PARD3: variants seen among roughly 807,000 people sequenced by gnomAD.
The protein encoded by PARD3 is partitioning defective 3 homolog.
Under a neutral mutation model 155.4 loss-of-function variants are expected in PARD3, and 75 were observed. The ratio of observed to expected loss-of-function variants is 0.48; its 90% CI spans 0.40 to 0.58. PARD3 has a LOEUF of 0.58. PARD3 is among the 20% of genes least tolerant of loss of function. The pLI is 0.00. For missense variants in PARD3, 1,642 were observed against 1,721.7 expected (o/e 0.95, Z 0.82); for synonymous variants, 576 against 610.5 (o/e 0.94, Z 0.83).
intron 22 of PARD3, among the ~76,000 whole-genome samples, chr10:34,215,266 A>T (rs1383173774): frequency 6.6e-6 from 1 of 152,158 alleles, no homozygotes; most frequent in Non-Finnish European, 1.5e-5. Flanking sequence ...CTGTGCCCAG[A>T]CTTGTCAAAT....
At chr10:34,744,012 C>T (rs1476666376) in intron 1 of PARD3, among the ~76,000 whole-genome samples, 2 of 152,174 alleles carry the variant, frequency 1.3e-5, no homozygotes, top group Non-Finnish European at 2.9e-5. Flanking sequence ...GATCTCCAGA[C>T]ACTCTGAGCC....
At chr10:34,634,873 A>G (rs563236217) in intron 2 of PARD3, among the ~76,000 whole-genome samples, 61 of 152,318 alleles carry the variant, frequency 4.0e-4, no homozygotes, top group African/African-American at 1.4e-3. Context: ...AAAAGCAAAC[A>G]GGGGGAATCT....
intron 5 of PARD3, among the ~76,000 whole-genome samples, chr10:34,407,482 G>A (rs1844611962): frequency 6.6e-6 from 1 of 152,210 alleles, no homozygotes; most frequent in South Asian, 2.1e-4. Context: ...ATGCCCCAGA[G>A]AAGCCAGTGT....
At chr10:34,573,471 G>A (rs139241193) in intron 2 of PARD3, among the ~76,000 whole-genome samples, 3,379 of 152,194 alleles carry the variant, frequency 0.022, 127 homozygotes, top group African/African-American at 0.078. Context: ...GGAGGCCAAG[G>A]TGGGTGGATT....
At chr10:34,782,732 T>G (rs964865056) in intron 1 of PARD3, among the ~76,000 whole-genome samples, 1 of 152,042 alleles carries the variant, frequency 6.6e-6, no homozygotes, top group Non-Finnish European at 1.5e-5. Context: ...TTTTTTTTTT[T>G]TCTTTTTTTT....
chr10:34,517,295 A>G, intron 2 of PARD3, 136 bp from the exon 3 acceptor site: 1 of 691,012 alleles, frequency 1.4e-6, no homozygotes, highest in South Asian at 2.7e-5. Context: ...TTTTACGAAG[A>G]AAAACCTCAA....
At position 34,389,297 on chromosome 10, in the gene PARD3, C is replaced by T. The variant is rs150943928; in HGVS notation, c.891-5043G>A. Reference sequence around the variant, plus strand: ...CTAGGGTACAGTAGCACAAAGCGAGCCATTGAAATGCTGCTTCTTTGTACA... The same window carrying T: ...CTAGGGTACAGTAGCACAAAGCGAGTCATTGAAATGCTGCTTCTTTGTACA... On this transcript the variant is annotated intron_variant, in intron 7 of 24. Coordinates refer to ENST00000374788, the MANE Select transcript of PARD3 (RefSeq NM_001184785.2). 9.4e-4 allele frequency among the ~76,000 whole-genome samples: 132 copies of T among 139,892 alleles called. 1 individual carries two copies. The highest frequency in any genetic ancestry group is 3.5e-3 in the African/African-American group (121 of 34,826). The allele number at this position is 139,892 out of a possible 152,430, so 91.8% of individuals were successfully genotyped here. A position where few individuals can be genotyped will look rare whatever the true frequency, so the allele number is the denominator to read the frequency against.
At chr10:34,114,597 A>G (rs1946563923) in intron 24 of PARD3, among the ~76,000 whole-genome samples, 1 of 152,158 alleles carries the variant, frequency 6.6e-6, no homozygotes, top group Admixed American at 6.5e-5. Flanking sequence ...TGCCGACCTC[A>G]GCCTCCCATA....
At chr10:34,771,043 G>A (rs574439742) in intron 1 of PARD3, among the ~76,000 whole-genome samples, 12 of 152,266 alleles carry the variant, frequency 7.9e-5, no homozygotes, top group African/African-American at 2.2e-4. Context: ...AGGGAAAGAC[G>A]GAGAGACAAG....
At chr10:34,165,466 G>T (rs1040856992) in intron 22 of PARD3, among the ~76,000 whole-genome samples, 5 of 152,160 alleles carry the variant, frequency 3.3e-5, no homozygotes, top group African/African-American at 7.2e-5. Context: ...TTTCCTCAAT[G>T]TCTAGCATTT....
At chr10:34,423,651 T>G (rs1227097222) in intron 5 of PARD3, among the ~76,000 whole-genome samples, 1 of 152,064 alleles carries the variant, frequency 6.6e-6, no homozygotes, top group Non-Finnish European at 1.5e-5. Flanking sequence ...TAACCAAAAA[T>G]TACCCTAAAT....
chr10:34,472,579 T>C (rs1460497921), intron 3 of PARD3, among the ~76,000 whole-genome samples: 3 of 152,180 alleles, frequency 2.0e-5, no homozygotes, highest in Non-Finnish European at 4.4e-5. Context: ...GCTGTCCAAT[T>C]ACAGGGTTAG....
chr10:34,288,965 C>T (rs572317078), intron 20 of PARD3, among the ~76,000 whole-genome samples: 5 of 152,190 alleles, frequency 3.3e-5, no homozygotes, highest in South Asian at 2.1e-4. Context: ...AATAGAAGAA[C>T]GACCTTCTTT....
At position 34,710,218 on chromosome 10, in the gene PARD3, G is replaced by C. The variant is rs144008290; in HGVS notation, c.121-13799C>G. On this transcript the variant is annotated intron_variant, in intron 1 of 24. Coordinates refer to ENST00000374788, the MANE Select transcript of PARD3 (RefSeq NM_001184785.2). ...CACATTCAATCAATTAAACACAACA[G>C]AGCAATTCACAATGTTGTTCACCGA... Among the ~76,000 whole-genome samples, 19 of 152,226 alleles carry C rather than the reference G, an allele frequency of 1.2e-4. No individual in the cohort carries two copies. In the East Asian group the frequency reaches 3.5e-3, roughly 28 times the overall value.
chr10:34,775,401 T>C (rs1588694244), intron 1 of PARD3, among the ~76,000 whole-genome samples: 1 of 152,036 alleles, frequency 6.6e-6, no homozygotes, highest in African/African-American at 2.4e-5. Context: ...TCCCAGCTAC[T>C]TGAGAGGCTG....
At chr10:34,356,501 A>T (rs1838891486) in intron 14 of PARD3, among the ~76,000 whole-genome samples, 1 of 152,274 alleles carries the variant, frequency 6.6e-6, no homozygotes, top group South Asian at 2.1e-4. Flanking sequence ...GAAATTAAAT[A>T]TGCAAACCTT....
At chr10:34,540,747 G>C (rs1318956662) in intron 2 of PARD3, among the ~76,000 whole-genome samples, 1 of 152,156 alleles carries the variant, frequency 6.6e-6, no homozygotes, top group African/African-American at 2.4e-5. Context: ...ATGCCACTGT[G>C]TTCCAGACTG....
intron 7 of PARD3, among the ~76,000 whole-genome samples, chr10:34,395,563 C>A (rs909218484): frequency 1.6e-4 from 5 of 30,410 alleles, no homozygotes; most frequent in Non-Finnish European, 2.6e-4. Flanking sequence ...ATCGGCCGGG[C>A]GCGGTGGCTC....
chr10:34,775,651 T>G (rs1477415956), intron 1 of PARD3, among the ~76,000 whole-genome samples: 1 of 152,080 alleles, frequency 6.6e-6, no homozygotes, highest in Non-Finnish European at 1.5e-5. Context: ...ATGAAGAAAT[T>G]TGGGTGCAAA....
Sources: gnomAD v4.1 joint callset for allele counts (sites outside exome capture counted in the v4.1 genomes callset) on GRCh38, gnomAD v4.1.1 for gene constraint, MANE v1.5 for transcripts, NCBI Gene and HGNC (gene_info 2026-07-23, HGNC 2026-07-21) for gene names.